The following GRB2 variants were observed in gnomAD, a reference collection of about 807,000 sequenced individuals.
GRB2 encodes the protein growth factor receptor bound protein 2.
In GRB2, 2 loss-of-function variants were observed where a neutral mutation model predicts 27.4. That is an observed-to-expected ratio of 0.07 (90% CI 0.03 to 0.23). The LOEUF (loss-of-function observed/expected upper bound fraction) is 0.23, where lower values mean the gene tolerates loss of function less well. Ranked by LOEUF, GRB2 falls within the 10% of genes least tolerant of loss-of-function variation. The probability of loss-of-function intolerance (pLI) is 1.00; values close to 1 mark genes in which losing one functional copy is unlikely to be tolerated. For synonymous variants in GRB2, 94 were observed against 99.6 expected, an observed-to-expected ratio of 0.94 and a Z score of 0.33; for missense variants, 102 against 282.4, an observed-to-expected ratio of 0.36 and a Z score of 4.58.
At chr17:75,394,419 T>C (rs2079017884) in intron 1 of GRB2, 1 of 152,218 alleles carries the variant, frequency 6.6e-6, no homozygotes, top group South Asian at 2.1e-4. Context: ...CATGTTGTGA[T>C]CGGCAAGCTC....
At chr17:75,358,916 A>ATATATAAAT (rs1555611094) in intron 2 of GRB2, among the ~76,000 whole-genome samples, 4 of 78,538 alleles carry the variant, frequency 5.1e-5, no homozygotes, top group East Asian at 5.9e-4. Flanking sequence ...TATATATATA[A>ATATATAAAT]ATATATATAT....
At chr17:75,325,150 T>C (rs1285656833) in intron 4 of GRB2, among the ~76,000 whole-genome samples, 1 of 152,204 alleles carries the variant, frequency 6.6e-6, no homozygotes, top group Non-Finnish European at 1.5e-5. Flanking sequence ...TAATGTAATC[T>C]AAACTAAGTA....
chr17:75,355,144 A>C (rs1267364725), intron 2 of GRB2, among the ~76,000 whole-genome samples: 1 of 152,246 alleles, frequency 6.6e-6, no homozygotes. Flanking sequence ...TGTTCCTAGC[A>C]AAACAAAATT....
intron 1 of GRB2, among the ~76,000 whole-genome samples, chr17:75,396,953 C>T (rs2079032531): frequency 6.6e-6 from 1 of 152,198 alleles, no homozygotes; most frequent in Non-Finnish European, 1.5e-5. Context: ...TTTAAGACAG[C>T]TGCAATGTTA....
chr17:75,391,413 T>G (rs1338451779), intron 2 of GRB2, among the ~76,000 whole-genome samples: 6 of 152,180 alleles, frequency 3.9e-5, no homozygotes, highest in African/African-American at 1.4e-4. Context: ...TTACACTTGC[T>G]CCAGAATTTA....
chr17:75,384,198 G>C (rs1332526964), intron 2 of GRB2, among the ~76,000 whole-genome samples: 1 of 152,170 alleles, frequency 6.6e-6, no homozygotes, highest in Non-Finnish European at 1.5e-5. Flanking sequence ...AAAGTTTTAT[G>C]ATCCTGAGCA....
chr17:75,369,682 G>A, intron 2 of GRB2, among the ~76,000 whole-genome samples: 1 of 114,130 alleles, frequency 8.8e-6, no homozygotes, highest in East Asian at 3.3e-4. Flanking sequence ...TGGTGAAACC[G>A]TCTCCACCAA....
Position 75,368,540 on chromosome 17 carries a change from TG to T in GRB2, c.78+25010del, listed in dbSNP as rs1293362091. Among the ~76,000 whole-genome samples the T allele has an allele frequency of 4.5e-3, 681 of 149,778 alleles. 4 individuals carry two copies. The highest frequency in any genetic ancestry group is 0.016 in the African/African-American group (645 of 40,500). On this transcript the variant is annotated intron_variant, in intron 2 of 5. Transcript: ENST00000316804. ...GTCAGGCGTTTGTTTTTTTTTTTGT[TG>T]TTTTTTTTTTTAAAGATAGGATCTT... is the stretch of plus-strand genomic sequence containing the variant.
intron 4 of GRB2, among the ~76,000 whole-genome samples, chr17:75,324,827 G>C (rs970293072): frequency 3.9e-5 from 6 of 152,122 alleles, no homozygotes; most frequent in Non-Finnish European, 2.9e-5. Flanking sequence ...TGTAATCCCA[G>C]CACTTTGGGA....
chr17:75,321,393 T>C (rs898349815), intron 5 of GRB2, among the ~76,000 whole-genome samples: 2 of 152,036 alleles, frequency 1.3e-5, no homozygotes, highest in African/African-American at 2.4e-5. Flanking sequence ...GCCAGGCTAG[T>C]CTCAAACACC....
At chr17:75,386,256 C>A (rs1239966573) in intron 2 of GRB2, among the ~76,000 whole-genome samples, 2 of 151,916 alleles carry the variant, frequency 1.3e-5, no homozygotes, top group Non-Finnish European at 2.9e-5. Context: ...GTAGCTGGGA[C>A]TAGAGGCACA....
At chr17:75,366,091 C>G (rs756841133) in intron 2 of GRB2, among the ~76,000 whole-genome samples, 4 of 152,028 alleles carry the variant, frequency 2.6e-5, no homozygotes, top group African/African-American at 4.8e-5. Context: ...AGTAGTAGAA[C>G]AGTTAAATAT....
chr17:75,362,090 A>G lies in GRB2; in HGVS notation c.79-29293T>C, dbSNP rs1053356223. 3.5e-5 allele frequency among the ~76,000 whole-genome samples: 5 copies of G among 142,756 alleles called. No individual in the cohort carries two copies. The East Asian group carries it at 1.0e-3, about 30-fold the overall frequency. 93.7% of individuals were successfully genotyped at this position (142,756 alleles called of 152,430 possible). ...CCCACTGGCATTCCTGAAGCACTTC[A>G]GCTAGTGACACCATTCATCACCCTC... On this transcript the variant is annotated intron_variant, in intron 2 of 5. Transcript: ENST00000316804.
intron 3 of GRB2, among the ~76,000 whole-genome samples, chr17:75,327,803 T>TTG (rs141175453): frequency 9.2e-5 from 14 of 152,122 alleles, no homozygotes; most frequent in Non-Finnish European, 1.8e-4. Context: ...AACTTTGTCC[T>TTG]TGTGTGTGTG....
intron 2 of GRB2, among the ~76,000 whole-genome samples, chr17:75,353,451 T>C (rs1278394597): frequency 7.4e-6 from 1 of 135,422 alleles, no homozygotes; most frequent in African/African-American, 2.5e-5. Flanking sequence ...TTTCCTCGAG[T>C]TTCTATGCCC....
Position 75,318,504 on chromosome 17 carries a change from T to G in GRB2, c.*1864A>C, listed in dbSNP as rs2078432125. 1 of 152,220 alleles carries G rather than the reference T, an allele frequency of 6.6e-6. No individual in the cohort carries two copies. Among genetic ancestry groups the G allele is most frequent in the Non-Finnish European group, 1.5e-5 (1 of 68,082 alleles). The allele number at this position is 152,220 out of a possible 1,614,324, so 9.4% of individuals were successfully genotyped here. On this transcript the variant is annotated 3_prime_UTR_variant, in exon 6 of 6. Transcript: ENST00000316804. ...CTCCCGGAAGAGAGGGAGGCAGTCT[T>G]GTTTTTGTCGTGGGAAGGGGTTTGG...
chr17:75,398,770 C>T (rs2079044976), intron 1 of GRB2, among the ~76,000 whole-genome samples: 1 of 151,804 alleles, frequency 6.6e-6, no homozygotes. Flanking sequence ...TTTTTGGAGA[C>T]AGAGTCTTGC....
At chr17:75,381,941 C>T (rs1294724613) in intron 2 of GRB2, among the ~76,000 whole-genome samples, 1 of 151,394 alleles carries the variant, frequency 6.6e-6, no homozygotes, top group African/African-American at 2.4e-5. Flanking sequence ...TTTGTTAAAC[C>T]TAGATTTTAA....
intron 2 of GRB2, among the ~76,000 whole-genome samples, chr17:75,353,394 G>C (rs978812602): frequency 1.3e-5 from 2 of 151,838 alleles, no homozygotes; most frequent in African/African-American, 4.8e-5. Context: ...TCAAACCTCT[G>C]TTGCTCAAGG....
Sources: allele counts gnomAD v4.1 joint callset (sites outside exome capture counted in the v4.1 genomes callset), GRCh38; gene constraint gnomAD v4.1.1; transcripts MANE v1.5; gene names NCBI Gene and HGNC (gene_info 2026-07-23, HGNC 2026-07-21).